ZFPM1: variants seen among roughly 807,000 people sequenced by gnomAD.
ZFPM1 encodes zinc finger protein, FOG family member 1.
ZFPM1 carries 28 observed loss-of-function variants against 46.3 expected under a neutral mutation model. The observed-to-expected ratio is 0.60, with a 90% CI of 0.45 to 0.83. ZFPM1 has a LOEUF of 0.83. Ranked by LOEUF, ZFPM1 falls within the 40% of genes least tolerant of loss-of-function variation. The pLI, the probability that ZFPM1 is intolerant of heterozygous loss-of-function variation, is 0.00. For missense variants in ZFPM1, 1,878 were observed against 1,432.4 expected, an observed-to-expected ratio of 1.31 and a Z score of -5.02; for synonymous variants, 957 against 675.9, an observed-to-expected ratio of 1.42 and a Z score of -6.45.
intron 1 of ZFPM1, among the ~76,000 whole-genome samples, chr16:88,482,424 A>T (rs1314300390): frequency 2.0e-5 from 3 of 152,106 alleles, no homozygotes; most frequent in African/African-American, 7.2e-5. Flanking sequence ...AGCCGTTTTA[A>T]TTGTGCTGGA....
At chr16:88,453,807 C>T (rs1304712614) in intron 1 of ZFPM1, 129 bp downstream of exon 1, 2 of 489,754 alleles carry the variant, frequency 4.1e-6, no homozygotes, top group Non-Finnish European at 2.7e-6. Flanking sequence ...GCCGCGCCCC[C>T]CGCGCTGTGC....
At chr16:88,506,681 C>A (rs1910678659) in intron 3 of ZFPM1, among the ~76,000 whole-genome samples, 1 of 152,012 alleles carries the variant, frequency 6.6e-6, no homozygotes, top group Non-Finnish European at 1.5e-5. Flanking sequence ...CTCTACCCAT[C>A]CTGGGTGTGC....
rs1036401190 is a variant in ZFPM1 at position 88,483,028 on chromosome 16, C to T, written c.41-2911C>T. ...CCTGTCCCAGGGGCAGGAGTTGAAC[C>T]GGTCAGGGGTGGCCCAGCCTGCCCT... On this transcript the variant is annotated intron_variant, in intron 1 of 9. Transcript: ENST00000319555. Among the ~76,000 whole-genome samples, 14 of 152,280 alleles carry T rather than the reference C, an allele frequency of 9.2e-5. No individual in the cohort carries two copies. The South Asian group carries it at 1.2e-3, about 14-fold the overall frequency.
intron 7 of ZFPM1, 94 bp from the exon 8 acceptor site, chr16:88,532,520 C>A: frequency 7.6e-7 from 1 of 1,322,778 alleles, no homozygotes; most frequent in Non-Finnish European, 1.0e-6. Flanking sequence ...TCCCCCGGCA[C>A]AGATCACGGC....
In ZFPM1 at chr16:88,534,712, G is replaced by T. The variant is rs1022346763; in HGVS notation, c.2754G>T (p.Arg918=). The T allele has an allele frequency of 5.6e-5, 55 of 980,324 alleles. 1 individual carries two copies. In the East Asian group the frequency reaches 4.1e-3, roughly 74 times the overall value. 60.7% of individuals were successfully genotyped at this position (980,324 alleles called of 1,614,324 possible). A position where few individuals can be genotyped will look rare whatever the true frequency, so the allele number is the denominator to read the frequency against. ...ASPQPGSRGP[R]DGLGPEPQEP... ...CGCAGCCCGGGTCCCGTGGCCCCCG[G>T]GACGGCCTCGGCCCGGAGCCCCAGG... The change falls in exon 10 of 10, where the codon CGG becomes CGT. Residue 918 remains arginine (R), a synonymous_variant. Transcript: ENST00000319555.
rs148805908 is a variant in ZFPM1, at chr16:88,497,257, G to GGCCCCA, written c.268+8129_268+8134dup. Among the ~76,000 whole-genome samples, 12,237 of 151,744 alleles carry GGCCCCA rather than the reference G, an allele frequency of 0.081. 661 individuals are homozygous for GGCCCCA. Among genetic ancestry groups the GGCCCCA allele is most frequent in the Non-Finnish European group, 0.12 (8,224 of 67,862 alleles). The stretch of plus-strand genomic sequence containing the variant: ...GAGATGGGAGGGGCGGCAGGTGGAC[G>GGCCCCA]GCCCCAGCCCCAGCCCCAGCCCCAG... On this transcript the variant is annotated intron_variant, in intron 3 of 9. Transcript: ENST00000319555. The surrounding 1 kb of genome is among the most constrained non-coding windows in gnomAD (Gnocchi z 5.4).
intron 1 of ZFPM1, among the ~76,000 whole-genome samples, chr16:88,460,267 C>T (rs1385250413): frequency 1.3e-5 from 2 of 152,188 alleles, no homozygotes; most frequent in Non-Finnish European, 2.9e-5. Flanking sequence ...GGGTCCCCAG[C>T]CTACTGTTGG....
At chr16:88,490,999 ACAGGCGCTGGTGCCTTCGGGGCTCTCGGT>A (rs1160773881) in intron 3 of ZFPM1, among the ~76,000 whole-genome samples, 156 of 147,916 alleles carry the variant, frequency 1.1e-3, no homozygotes, top group African/African-American at 2.5e-3. Context: ...CGGGGGTCAG[ACAGGCGCTGGTGCCTTCGGGGCTCTCGGT>A]CAGGCGCTGG....
chr16:88,493,567 CTGTCCCGGGGTGT>C, intron 3 of ZFPM1, among the ~76,000 whole-genome samples: 1 of 147,488 alleles, frequency 6.8e-6, no homozygotes, highest in African/African-American at 2.5e-5. Flanking sequence ...GTGGGGAGAG[CTGTCCCGGGGTGT>C]GGTGAGCTGT....
intron 9 of ZFPM1, 31 bp from the exon 10 acceptor site, chr16:88,533,117 C>T (rs930315926): frequency 2.0e-6 from 3 of 1,467,854 alleles, no homozygotes; most frequent in African/African-American, 1.4e-5. Flanking sequence ...TGCCCCAGGC[C>T]TGAGGTGCCA....
In ZFPM1 at chr16:88,493,105, AGCTGTCCCGGGGTGGGGG is replaced by A. The variant is rs1168825078; in HGVS notation, c.268+3954_268+3971del. Among the ~76,000 whole-genome samples the A allele has an allele frequency of 1.8e-3, 178 of 99,568 alleles. 1 individual carries two copies. The highest frequency in any genetic ancestry group is 6.1e-3 in the African/African-American group (173 of 28,280). The allele number at this position is 99,568 out of a possible 152,430, so 65.3% of individuals were successfully genotyped here. On this transcript the variant is annotated intron_variant, in intron 3 of 9. Coordinates refer to ENST00000319555, the MANE Select transcript of ZFPM1 (RefSeq NM_153813.3). ...CGGGGAGCTGTCCCGGGGTGCGGGG[AGCTGTCCCGGGGTGGGGG>A]GAGCTGTCCCGGGGTGGGGAGAGCT...
Position 88,533,631 on chromosome 16 carries a change from C to A in ZFPM1, c.1673C>A (p.Ala558Glu), listed in dbSNP as rs1182217127. The A allele has an allele frequency of 8.9e-6, 13 of 1,459,720 alleles. 1 individual carries two copies. Among genetic ancestry groups the A allele is most frequent in the Non-Finnish European group, 1.2e-5 (13 of 1,104,828 alleles). The allele number at this position is 1,459,720 out of a possible 1,614,324, so 90.4% of individuals were successfully genotyped here. Reference protein sequence around the residue: ...ELVHSRLQQGAGAGAGGAQTG... With the variant: ...ELVHSRLQQGEGAGAGGAQTG... ...GTGCACAGCCGGCTGCAGCAGGGCG[C>A]GGGCGCGGGCGCCGGCGGCGCGCAG... The change falls in exon 10 of 10, where the codon GCG becomes GAG. Residue 558 changes from alanine (A) to glutamate (E), a missense_variant. Transcript: ENST00000319555.
At chr16:88,532,555 C>G (rs937676545) in intron 7 of ZFPM1, 59 bp from the exon 8 acceptor site, 30 of 1,516,218 alleles carry the variant, frequency 2.0e-5, no homozygotes, top group Non-Finnish European at 2.6e-5. Flanking sequence ...CCTTCCTCAT[C>G]CCTGGAGTCC....
chr16:88,527,553 G>C (rs530426212), intron 5 of ZFPM1, among the ~76,000 whole-genome samples: 3 of 152,014 alleles, frequency 2.0e-5, no homozygotes, highest in Admixed American at 2.0e-4. Flanking sequence ...GGGCGGCACC[G>C]CAGGGGACAC....
At chr16:88,504,465 A>G (rs1910542737) in intron 3 of ZFPM1, among the ~76,000 whole-genome samples, 1 of 152,052 alleles carries the variant, frequency 6.6e-6, no homozygotes, top group African/African-American at 2.4e-5. Flanking sequence ...CAGGGTGTTT[A>G]GCCTTCCAGA....
chr16:88,453,154 C>T (rs1907354916), upstream of ZFPM1, among the ~76,000 whole-genome samples: 1 of 133,560 alleles, frequency 7.5e-6, no homozygotes, highest in East Asian at 2.4e-4. Context: ...GTGGCCGCGG[C>T]GCTGGGGGCG....
intron 1 of ZFPM1, among the ~76,000 whole-genome samples, chr16:88,478,518 G>A (rs1482711910): frequency 1.3e-5 from 2 of 152,274 alleles, no homozygotes; most frequent in African/African-American, 4.8e-5. Flanking sequence ...AGGGGTCGCT[G>A]TCACGGTTGC....
intron 1 of ZFPM1, among the ~76,000 whole-genome samples, chr16:88,470,178 G>A (rs1908350061): frequency 6.6e-6 from 1 of 152,196 alleles, no homozygotes; most frequent in Non-Finnish European, 1.5e-5. Context: ...CGCCTGTGGA[G>A]AGCCACGGTC....
At chr16:88,487,462 G>A (rs887942236) in intron 2 of ZFPM1, among the ~76,000 whole-genome samples, 5 of 152,222 alleles carry the variant, frequency 3.3e-5, no homozygotes, top group Non-Finnish European at 7.3e-5. Context: ...ATGGATGCGT[G>A]GGGCTGCCCC....
Sources: gnomAD v4.1 joint callset for allele counts (sites outside exome capture counted in the v4.1 genomes callset) on GRCh38, gnomAD v4.1.1 for gene constraint, Gnocchi (gnomAD v3.1) non-coding constraint, MANE v1.5 for transcripts, NCBI Gene and HGNC (gene_info 2026-07-23, HGNC 2026-07-21) for gene names.